CSMD1: variants seen among roughly 807,000 people sequenced by gnomAD.
CSMD1 encodes the protein CUB and Sushi multiple domains 1, also known as CUB and sushi domain-containing protein 1.
In CSMD1, 213 loss-of-function variants were observed where a neutral mutation model predicts 417.5. That is an observed-to-expected ratio of 0.51 (90% CI 0.46 to 0.57). CSMD1 has a LOEUF of 0.57. Ranked by LOEUF, CSMD1 falls within the 20% of genes least tolerant of loss-of-function variation. The pLI is 0.00. For missense variants in CSMD1, 6,923 were observed against 4,529.7 expected (o/e 1.53, Z -15.17); for synonymous variants, 2,862 against 1,736.8 (o/e 1.65, Z -16.11).
At chr8:3,931,605 C>G (rs116601386) in intron 5 of CSMD1, among the ~76,000 whole-genome samples, 1,923 of 149,648 alleles carry the variant, frequency 0.013, 138 homozygotes, top group African/African-American at 0.043. Flanking sequence ...CAAATCATTG[C>G]GCCAAGAGTT....
intron 11 of CSMD1, among the ~76,000 whole-genome samples, chr8:3,478,124 A>T (rs547413044): frequency 9.2e-5 from 14 of 152,364 alleles, no homozygotes; most frequent in African/African-American, 3.1e-4. Context: ...TCACTCAAGT[A>T]TGGCAGACTT....
intron 19 of CSMD1, among the ~76,000 whole-genome samples, chr8:3,368,632 C>A (rs947281546): frequency 6.6e-6 from 1 of 152,156 alleles, no homozygotes; most frequent in Non-Finnish European, 1.5e-5. Context: ...AGTCACTTCA[C>A]CTGGCCCCAA....
chr8:4,962,823 T>G (rs1809597333), intron 1 of CSMD1, among the ~76,000 whole-genome samples: 1 of 152,164 alleles, frequency 6.6e-6, no homozygotes, highest in African/African-American at 2.4e-5. Context: ...TCACTTAATC[T>G]CCATTTTTAG....
chr8:4,704,335 T>C (rs1043764446), intron 1 of CSMD1, among the ~76,000 whole-genome samples: 1 of 152,248 alleles, frequency 6.6e-6, no homozygotes, highest in Non-Finnish European at 1.5e-5. Context: ...TACTCACAAA[T>C]CAGTTGTCTG....
rs763451615 is a variant in CSMD1, at chr8:3,602,455, T to A, written c.1097+14255A>T. Among the ~76,000 whole-genome samples the A allele has an allele frequency of 4.6e-5, 7 of 152,302 alleles. No homozygotes were observed. The East Asian group carries it at 1.4e-3, about 29-fold the overall frequency. ...GCAGGGGGAATGGCCCCAAAATCAA[T>A]GCACTGGTTGGTCATTGAACGTTCA... On this transcript the variant is annotated intron_variant, in intron 8 of 69. Coordinates refer to ENST00000635120, the MANE Select transcript of CSMD1 (RefSeq NM_033225.6).
At chr8:4,218,828 T>C (rs1585043494) in intron 3 of CSMD1, among the ~76,000 whole-genome samples, 1 of 152,216 alleles carries the variant, frequency 6.6e-6, no homozygotes, top group Non-Finnish European at 1.5e-5. Flanking sequence ...CCTTTTATTC[T>C]GACAATTATT....
chr8:3,299,024 T>G (rs1006372011), intron 25 of CSMD1, among the ~76,000 whole-genome samples: 7 of 152,204 alleles, frequency 4.6e-5, no homozygotes, highest in African/African-American at 7.2e-5. Context: ...TTGGAAAATG[T>G]CTCATGACTC....
At chr8:4,294,570 G>A (rs191240466) in intron 3 of CSMD1, among the ~76,000 whole-genome samples, 111 of 152,266 alleles carry the variant, frequency 7.3e-4, no homozygotes, top group African/African-American at 2.6e-3. Context: ...CCATGTTAGA[G>A]AATGAAGTGA....
At chr8:4,073,228 G>C (rs577979017) in intron 3 of CSMD1, among the ~76,000 whole-genome samples, 6 of 152,152 alleles carry the variant, frequency 3.9e-5, no homozygotes, top group African/African-American at 1.4e-4. Context: ...AAAATAAAAA[G>C]CAATAGGTGC....
At chr8:4,033,236 C>T (rs987077308) in intron 3 of CSMD1, among the ~76,000 whole-genome samples, 3 of 150,110 alleles carry the variant, frequency 2.0e-5, no homozygotes, top group Admixed American at 6.7e-5. Context: ...GTCAAGAGAT[C>T]GAGACCATCC....
intron 3 of CSMD1, among the ~76,000 whole-genome samples, chr8:4,384,057 T>G (rs1584991424): frequency 2.1e-4 from 1 of 4,708 alleles, no homozygotes; most frequent in African/African-American, 4.5e-3. Context: ...TTCAGTGTTG[T>G]TTTTTTTGCA....
intron 3 of CSMD1, among the ~76,000 whole-genome samples, chr8:4,132,761 C>A (rs1048453667): frequency 6.6e-6 from 1 of 152,110 alleles, no homozygotes; most frequent in African/African-American, 2.4e-5. Flanking sequence ...TTGATGTTCT[C>A]TACAATCCGT....
intron 23 of CSMD1, among the ~76,000 whole-genome samples, chr8:3,331,683 T>A (rs1806904931): frequency 6.6e-6 from 1 of 152,354 alleles, no homozygotes; most frequent in Admixed American, 6.5e-5. Context: ...TCTTTTACCA[T>A]GGCCCCCAAA....
intron 1 of CSMD1, among the ~76,000 whole-genome samples, chr8:4,856,776 G>C (rs1365718354): frequency 9.3e-5 from 14 of 149,986 alleles, no homozygotes; most frequent in Non-Finnish European, 1.8e-4. Context: ...CAAGTCCTGA[G>C]TGACCTACAA....
chr8:4,231,121 T>G (rs1801698934), intron 3 of CSMD1, among the ~76,000 whole-genome samples: 1 of 152,220 alleles, frequency 6.6e-6, no homozygotes, highest in Admixed American at 6.5e-5. Flanking sequence ...TATGTTGAAC[T>G]ACAGAAGAGT....
At chr8:3,732,141 C>G (rs527462605) in intron 6 of CSMD1, among the ~76,000 whole-genome samples, 5 of 152,288 alleles carry the variant, frequency 3.3e-5, no homozygotes, top group African/African-American at 1.2e-4. Flanking sequence ...GCGGAAGCCA[C>G]GGGCAAGCCC....
In CSMD1 at chr8:4,724,882, C is replaced by G. The variant is rs903629504; in HGVS notation, c.86-87324G>C. On this transcript the variant is annotated intron_variant, in intron 1 of 69. Transcript: ENST00000635120. ...GAAGTATACTTCACTATTAAAACCT[C>G]AACTATAATATGAATGAAACAAATC... Among the ~76,000 whole-genome samples the G allele has an allele frequency of 7.2e-5, 11 of 152,080 alleles. No homozygotes were observed. In the South Asian group the frequency reaches 8.3e-4, roughly 11 times the overall value.
chr8:4,832,345 G>A (rs1360603539), intron 1 of CSMD1, among the ~76,000 whole-genome samples: 1 of 152,164 alleles, frequency 6.6e-6, no homozygotes, highest in Non-Finnish European at 1.5e-5. Flanking sequence ...CAATGCCTGA[G>A]TGGTATGCTA....
intron 5 of CSMD1, among the ~76,000 whole-genome samples, chr8:3,837,424 C>T (rs191987014): frequency 6.6e-6 from 1 of 152,160 alleles, no homozygotes; most frequent in Admixed American, 6.6e-5. Flanking sequence ...GGACTGCCTA[C>T]GTCACATATG....
Sources: allele counts gnomAD v4.1 joint callset (sites outside exome capture counted in the v4.1 genomes callset), GRCh38; gene constraint gnomAD v4.1.1; transcripts MANE v1.5; gene names NCBI Gene and HGNC (gene_info 2026-07-23, HGNC 2026-07-21).